Variants in RBFOX1 observed in about 807,000 individuals in gnomAD.
The protein encoded by RBFOX1 is RNA binding fox-1 homolog 1.
In RBFOX1, 8 loss-of-function variants were observed where a neutral mutation model predicts 57.7. That is an observed-to-expected ratio of 0.14 (90% CI 0.08 to 0.25). The LOEUF is 0.25. Among genes scored for constraint, RBFOX1 ranks in the 10% least tolerant of loss-of-function variants. The pLI is 1.00. For missense variants in RBFOX1, 611 were observed against 548.5 expected, an observed-to-expected ratio of 1.11 and a Z score of -1.14; for synonymous variants, 326 against 222.4, an observed-to-expected ratio of 1.47 and a Z score of -4.15.
At chr16:5,940,660 G>A (rs1225335528) in intron 4 of RBFOX1, among the ~76,000 whole-genome samples, 2 of 152,244 alleles carry the variant, frequency 1.3e-5, no homozygotes, top group Non-Finnish European at 2.9e-5. Context: ...CATAGTGGGA[G>A]CACCCGTGGT....
chr16:6,947,532 A>T (rs1184514630), intron 3 of RBFOX1, among the ~76,000 whole-genome samples: 3 of 152,192 alleles, frequency 2.0e-5, no homozygotes, highest in Non-Finnish European at 4.4e-5. Context: ...AGATGAGAGA[A>T]ATCCTCCTGA....
At chr16:7,078,628 A>G (rs2058668229) in intron 4 of RBFOX1, among the ~76,000 whole-genome samples, 1 of 151,670 alleles carries the variant, frequency 6.6e-6, no homozygotes. Flanking sequence ...GATTACAGGC[A>G]TGAGCCACCA....
rs541170620 is a variant in RBFOX1, at chr16:6,963,250, CA to C, written c.-15-88802del. Reference sequence around the variant, plus strand: ...GCATCAAAAGCAGCATTTGTGTTGGCAAAAAGCTAGCCCATCTTAGGGTCTT... The same window carrying C: ...GCATCAAAAGCAGCATTTGTGTTGGCAAAAGCTAGCCCATCTTAGGGTCTT... On this transcript the variant is annotated intron_variant, in intron 3 of 15. Coordinates refer to ENST00000550418, the MANE Select transcript of RBFOX1 (RefSeq NM_018723.4). 1.6e-4 allele frequency among the ~76,000 whole-genome samples: 24 copies of C among 151,914 alleles called. No homozygotes were observed. In the South Asian group the frequency reaches 4.8e-3, roughly 30 times the overall value.
At chr16:7,180,752 G>T (rs1412416191) in intron 4 of RBFOX1, among the ~76,000 whole-genome samples, 1 of 150,130 alleles carries the variant, frequency 6.7e-6, no homozygotes, top group Non-Finnish European at 1.5e-5. Context: ...TTGGCTTCAA[G>T]GTGAAAATAT....
Position 5,347,418 on chromosome 16 carries a change from T to A in RBFOX1, c.219+107313T>A, listed in dbSNP as rs543541670. 7.9e-5 allele frequency among the ~76,000 whole-genome samples: 12 copies of A among 152,284 alleles called. No individual in the cohort carries two copies. In the South Asian group the frequency reaches 2.5e-3, roughly 32 times the overall value. ...GGAGCTATTAGCCTATGTCAGGTGG[T>A]GTACAAGATGCCTGTTTAGAAATGA... On this transcript the variant is annotated intron_variant, in intron 1 of 2. Transcript: ENST00000585867.
chr16:5,902,727 T>C (rs866661752), intron 4 of RBFOX1, among the ~76,000 whole-genome samples: 9 of 152,170 alleles, frequency 5.9e-5, no homozygotes, highest in Admixed American at 1.3e-4. Flanking sequence ...TATTTAATCA[T>C]AGAGGACAAG....
At chr16:6,488,227 C>G (rs1314426407) in intron 2 of RBFOX1, among the ~76,000 whole-genome samples, 4 of 152,114 alleles carry the variant, frequency 2.6e-5, no homozygotes, top group African/African-American at 4.8e-5. Context: ...GGATGTATTT[C>G]TTTGTTGTTT....
At chr16:7,644,416 C>G (rs1015305582) in intron 11 of RBFOX1, among the ~76,000 whole-genome samples, 1 of 152,160 alleles carries the variant, frequency 6.6e-6, no homozygotes, top group Non-Finnish European at 1.5e-5. Flanking sequence ...CACATCGTTC[C>G]TTGAATTACT....
chr16:5,510,653 G>C (rs2043552090), intron 2 of RBFOX1, among the ~76,000 whole-genome samples: 1 of 152,152 alleles, frequency 6.6e-6, no homozygotes, highest in Non-Finnish European at 1.5e-5. Context: ...TTAATAGCAG[G>C]GTTTTCCTTG....
intron 3 of RBFOX1, among the ~76,000 whole-genome samples, chr16:6,824,400 T>G (rs117723364): frequency 0.016 from 2,397 of 152,286 alleles, 30 homozygotes; most frequent in Non-Finnish European, 0.022. Context: ...AGAGCGAGAT[T>G]CCATGTCAAA....
chr16:6,358,172 A>C (rs999407867), intron 2 of RBFOX1, among the ~76,000 whole-genome samples: 23 of 152,092 alleles, frequency 1.5e-4, no homozygotes, highest in African/African-American at 5.6e-4. Flanking sequence ...CAGCTTCCTA[A>C]TGTGCAGATC....
chr16:7,021,504 A>T (rs865891763), intron 3 of RBFOX1, among the ~76,000 whole-genome samples: 2 of 145,636 alleles, frequency 1.4e-5, no homozygotes, highest in African/African-American at 2.5e-5. Context: ...TATTTTATAT[A>T]AATATTATAT....
intron 1 of RBFOX1, among the ~76,000 whole-genome samples, chr16:6,223,092 G>C (rs1306759278): frequency 6.8e-6 from 1 of 147,966 alleles, no homozygotes; most frequent in East Asian, 2.0e-4. Context: ...TCTTAATCCA[G>C]TCTATCATTG....
intron 3 of RBFOX1, among the ~76,000 whole-genome samples, chr16:6,898,062 G>T (rs2067405012): frequency 6.6e-6 from 1 of 152,152 alleles, no homozygotes; most frequent in African/African-American, 2.4e-5. Context: ...TATAATGCCT[G>T]ATACTTGGCA....
At chr16:6,801,908 C>A in intron 3 of RBFOX1, among the ~76,000 whole-genome samples, 1 of 151,992 alleles carries the variant, frequency 6.6e-6, no homozygotes, top group East Asian at 1.9e-4. Flanking sequence ...AGATCTGAGT[C>A]CTGAGGACCT....
chr16:7,265,592 G>A (rs1409882579), intron 4 of RBFOX1, among the ~76,000 whole-genome samples: 1 of 152,040 alleles, frequency 6.6e-6, no homozygotes, highest in Non-Finnish European at 1.5e-5. Flanking sequence ...AGGATTACAG[G>A]CACCCACCAC....
At position 5,626,771 on chromosome 16, in the gene RBFOX1, G is replaced by C. The variant is rs147247624; in HGVS notation, c.318+27810G>C. ...TGACTGGGACTGAAGGTTCAACCAG[G>C]GTTTTAAAAAAAAAAGCTCAACTCT... On this transcript the variant is annotated intron_variant, in intron 3 of 19. Coordinates refer to the RBFOX1 transcript ENST00000641259. Among the ~76,000 whole-genome samples the C allele has an allele frequency of 4.2e-3, 641 of 151,908 alleles. 1 individual carries two copies. The highest frequency in any genetic ancestry group is 0.015 in the African/African-American group (613 of 41,452).
intron 2 of RBFOX1, among the ~76,000 whole-genome samples, chr16:6,347,572 A>T (rs537055395): frequency 6.6e-6 from 1 of 152,210 alleles, no homozygotes; most frequent in African/African-American, 2.4e-5. Flanking sequence ...TGCATCTTGC[A>T]TATGCATAGA....
At chr16:6,923,932 G>A (rs943380296) in intron 3 of RBFOX1, among the ~76,000 whole-genome samples, 1 of 152,064 alleles carries the variant, frequency 6.6e-6, no homozygotes, top group Non-Finnish European at 1.5e-5. Context: ...GCACTTTGGA[G>A]GCTGAGTCAG....
Sources: allele counts gnomAD v4.1 joint callset (sites outside exome capture counted in the v4.1 genomes callset), GRCh38; gene constraint gnomAD v4.1.1; transcripts MANE v1.5; gene names NCBI Gene and HGNC (gene_info 2026-07-23, HGNC 2026-07-21).